TXLNB: variants seen among roughly 807,000 people sequenced by gnomAD.
TXLNB encodes taxilin beta.
In TXLNB, 37 loss-of-function variants were observed where a neutral mutation model predicts 57.4. The ratio of observed to expected loss-of-function variants is 0.64; its 90% CI spans 0.50 to 0.85. TXLNB has a LOEUF of 0.85. TXLNB is among the 40% of genes least tolerant of loss of function. The pLI, the probability that TXLNB is intolerant of heterozygous loss-of-function variation, is 0.00. For missense variants in TXLNB, 848 were observed against 825.6 expected (o/e 1.03, Z -0.33); for synonymous variants, 302 against 309.6 (o/e 0.98, Z 0.26).
chr6:139,288,719 G>GA lies in TXLNB; in HGVS notation c.180dup (p.Arg61SerfsTer8). The GA allele has an allele frequency of 1.2e-6, 2 of 1,614,136 alleles. No individual in the cohort carries two copies. The highest frequency in any genetic ancestry group is 2.2e-5 in the South Asian group (2 of 91,070). On this transcript the variant is annotated frameshift_variant, in exon 2 of 10. Coordinates refer to ENST00000358430, the MANE Select transcript of TXLNB (RefSeq NM_153235.4). LOFTEE classifies it high-confidence loss of function. ...GTGTTAATGATGTCTTCCAGCTGTC[G>GA]ATTCAGCTCTTCAGAGATATCGGGG...
In TXLNB at chr6:139,240,619, T is replaced by C. The variant is rs910083404; in HGVS notation, c.*1907A>G. On this transcript the variant is annotated 3_prime_UTR_variant, in exon 10 of 10. Transcript: ENST00000358430. ...TGAATCAAATGAATGTTTAAATCTC[T>C]AAGACTTGCAGTAATGTTGAATTTG... The C allele has an allele frequency of 1.3e-5, 2 of 152,592 alleles. No individual in the cohort carries two copies. The highest frequency in any genetic ancestry group is 2.9e-5 in the Non-Finnish European group (2 of 68,036). The allele number at this position is 152,592 out of a possible 1,614,324, so 9.5% of individuals were successfully genotyped here.
chr6:139,242,562 G>C lies in TXLNB; in HGVS notation c.2019C>G (p.Arg673=). ...PVGASAGPQP[R]NVADTNLEGV... is the part of the protein sequence containing the mutation. ...CTTCCAGATTGGTGTCAGCCACGTT[G>C]CGCGGCTGGGGCCCAGCTGAGGCCC... The change falls in exon 10 of 10, where the codon CGC becomes CGG. Residue 673 remains arginine (R), a synonymous_variant. Coordinates refer to ENST00000358430, the MANE Select transcript of TXLNB (RefSeq NM_153235.4). 6.6e-7 allele frequency: 1 copy of C among 1,515,566 alleles called. No homozygotes were observed. The highest frequency in any genetic ancestry group is 8.8e-7 in the Non-Finnish European group (1 of 1,134,850). The allele number at this position is 1,515,566 out of a possible 1,614,324, so 93.9% of individuals were successfully genotyped here.
At chr6:139,169,505 T>G in the TXLNB span, 1 of 152,250 alleles carries the variant, frequency 6.6e-6, no homozygotes, top group Non-Finnish European at 1.5e-5. Context: ...CAGAGAGTAG[T>G]CTCTTTCATT....
chr6:139,250,967 G>T (rs964847291), intron 7 of TXLNB, among the ~76,000 whole-genome samples: 1 of 152,052 alleles, frequency 6.6e-6, no homozygotes, highest in Non-Finnish European at 1.5e-5. Flanking sequence ...CAAAGTAAAG[G>T]CTTTAAAAAA....
At chr6:139,293,996 A>T (rs978893538), upstream of TXLNB, among the ~76,000 whole-genome samples, 1 of 152,208 alleles carries the variant, frequency 6.6e-6, no homozygotes, top group Non-Finnish European at 1.5e-5. Context: ...TAAATAATGT[A>T]TAGACTCACT....
At chr6:139,302,663 T>C in the TXLNB span, among the ~76,000 whole-genome samples, 2 of 150,356 alleles carry the variant, frequency 1.3e-5, no homozygotes, top group Non-Finnish European at 3.0e-5. Context: ...GAATGGCGCC[T>C]GAATAGCTAC....
At chr6:139,285,768 C>T (rs1583029586) in intron 2 of TXLNB, among the ~76,000 whole-genome samples, 1 of 145,358 alleles carries the variant, frequency 6.9e-6, no homozygotes, top group East Asian at 2.0e-4. Context: ...CAATGTTTGA[C>T]TCCTCCATAC....
intron 4 of TXLNB, 87 bp downstream of exon 4, chr6:139,270,368 TA>T (rs150622218): frequency 0.18 from 233,009 of 1,327,854 alleles, 21,206 homozygotes; most frequent in African/African-American, 0.26. Context: ...TCTCTGATTC[TA>T]AAATTCACAC....
chr6:139,166,739 C>A, the TXLNB span: 1 of 1,613,508 alleles, frequency 6.2e-7, no homozygotes. Flanking sequence ...CCCCCGCCGG[C>A]ATTCCATGGA....
chr6:139,248,541 A>G, intron 7 of TXLNB, among the ~76,000 whole-genome samples: 1 of 152,194 alleles, frequency 6.6e-6, no homozygotes, highest in East Asian at 1.9e-4. Context: ...ATGTTATTTC[A>G]TTATATTAAA....
rs544115436 is a variant in TXLNB, at chr6:139,264,748, C to T, written c.688-1975G>A. ...CTAATTTTTTTATTTTTAGTAGAGA[C>T]GGGGTTTCACCATGTTGGCGAGGCT... On this transcript the variant is annotated intron_variant, in intron 4 of 9. Coordinates refer to ENST00000358430, the MANE Select transcript of TXLNB (RefSeq NM_153235.4). Among the ~76,000 whole-genome samples the T allele has an allele frequency of 1.3e-4, 20 of 152,038 alleles. No individual in the cohort carries two copies. In the East Asian group the frequency reaches 2.7e-3, roughly 21 times the overall value.
At chr6:139,186,834 A>C in the TXLNB span, among the ~76,000 whole-genome samples, 2 of 152,194 alleles carry the variant, frequency 1.3e-5, no homozygotes, top group African/African-American at 2.4e-5. Context: ...CCTCAAAATA[A>C]TTAAAGTGAA....
chr6:139,320,815 C>T, the TXLNB span, among the ~76,000 whole-genome samples: 1 of 152,258 alleles, frequency 6.6e-6, no homozygotes, highest in Non-Finnish European at 1.5e-5. Context: ...TCCCATGCTA[C>T]ATAGGCACAA....
chr6:139,311,268 T>C, the TXLNB span, among the ~76,000 whole-genome samples: 1 of 152,186 alleles, frequency 6.6e-6, no homozygotes, highest in Admixed American at 6.5e-5. Context: ...TTTCAAAAAG[T>C]GGCAAGCAAG....
At chr6:139,294,841 T>C (rs1326411210), upstream of TXLNB, among the ~76,000 whole-genome samples, 1 of 152,000 alleles carries the variant, frequency 6.6e-6, no homozygotes, top group Non-Finnish European at 1.5e-5. Context: ...ATACAGAAAT[T>C]AGCTGGATGT....
At chr6:139,192,409 T>C in the TXLNB span, among the ~76,000 whole-genome samples, 1 of 152,252 alleles carries the variant, frequency 6.6e-6, no homozygotes, top group South Asian at 2.1e-4. Context: ...ATAACAATTA[T>C]CACCTTCTGT....
rs1374650968 is a variant in TXLNB, at chr6:139,242,619, G to A, written c.1962C>T (p.Pro654=). 1.9e-6 allele frequency: 3 copies of A among 1,598,248 alleles called. No individual in the cohort carries two copies. Among genetic ancestry groups the A allele is most frequent in the Non-Finnish European group, 2.6e-6 (3 of 1,173,008 alleles). The change falls in exon 10 of 10, where the codon CCC becomes CCT. Residue 654 remains proline, a synonymous_variant. Transcript: ENST00000358430. ...MVPACEPSRQ[P]PRAAAEELPV... is the part of the protein sequence containing the mutation. ...GCAGCTCCTCTGCTGCTGCTCGTGG[G>A]GGCTGCCTACTGGGCTCGCATGCAG...
At chr6:139,316,040 G>C in the TXLNB span, among the ~76,000 whole-genome samples, 1 of 152,106 alleles carries the variant, frequency 6.6e-6, no homozygotes, top group Non-Finnish European at 1.5e-5. Context: ...TAAATAATAA[G>C]TAAAAAATGA....
the TXLNB span, among the ~76,000 whole-genome samples, chr6:139,203,411 C>CA: frequency 1.3e-5 from 2 of 152,176 alleles, no homozygotes; most frequent in South Asian, 4.1e-4. Flanking sequence ...TTGCTCTAAT[C>CA]AAGGAAGCCA....
Sources: allele counts gnomAD v4.1 joint callset (sites outside exome capture counted in the v4.1 genomes callset), GRCh38; gene constraint gnomAD v4.1.1; transcripts MANE v1.5; gene names NCBI Gene and HGNC (gene_info 2026-07-23, HGNC 2026-07-21).